THOC1: variants seen among roughly 807,000 people sequenced by gnomAD.
THOC1 encodes THO complex subunit 1, also known as THO complex 1.
In THOC1, 29 loss-of-function variants were observed where a neutral mutation model predicts 97.3. The ratio of observed to expected loss-of-function variants is 0.30; its 90% CI spans 0.22 to 0.41. THOC1 has a LOEUF of 0.41. Ranked by LOEUF, THOC1 falls within the 10% of genes least tolerant of loss-of-function variation. The pLI is 1.00. For synonymous variants in THOC1, 255 were observed against 257.0 expected (o/e 0.99, Z 0.07); for missense variants, 529 against 761.9 (o/e 0.69, Z 3.60).
Position 254,241 on chromosome 18 carries a change from T to A in THOC1, c.603+32A>T. On this transcript the variant is annotated intron_variant, in intron 8 of 20. Transcript: ENST00000261600. This position sits in a 1 kb window ranked among gnomAD's most constrained non-coding sequence, Gnocchi z 4.1. Reference sequence around the variant, plus strand: ...TATCTTAATAACAAACTTGCAAATATGTTATCTGAGAAGATTTCAAATCAG... The same window carrying A: ...TATCTTAATAACAAACTTGCAAATAAGTTATCTGAGAAGATTTCAAATCAG... 6.8e-7 allele frequency: 1 copy of A among 1,466,548 alleles called. No homozygotes were observed. Among genetic ancestry groups the A allele is most frequent in the Non-Finnish European group, 9.4e-7 (1 of 1,066,440 alleles). 90.8% of individuals were successfully genotyped at this position (1,466,548 alleles called of 1,614,324 possible). A position where few individuals can be genotyped will look rare whatever the true frequency, so the allele number is the denominator to read the frequency against.
chr18:259,938 C>A, intron 5 of THOC1: 1 of 524,440 alleles, frequency 1.9e-6, no homozygotes, highest in South Asian at 3.3e-5. Context: ...CTGTTTTAAA[C>A]ATGTGAAAGT....
rs753031558 is a variant in THOC1, at chr18:246,368, C to T, written c.874G>A (p.Gly292Arg). The T allele has an allele frequency of 1.9e-6, 3 of 1,602,640 alleles. No homozygotes were observed. The highest frequency in any genetic ancestry group is 2.6e-6 in the Non-Finnish European group (3 of 1,171,202). Residue 292 changes from glycine to arginine, a missense_variant, in exon 11 of 21, where the codon GGA (glycine) becomes AGA (arginine). By Grantham distance (125) the Gly-to-Arg change is moderately radical. Around this residue, in one of 8 missense-constraint regions of THOC1, gnomAD observed 92 missense variants for 127.0 expected, o/e 0.72. Coordinates refer to ENST00000261600, the MANE Select transcript of THOC1 (RefSeq NM_005131.3). ...SRKKMEELKT[G>R]GEHVYFAKFL... is the part of the protein sequence containing the mutation. ...TTTGCAAAATATACATGTTCTCCTC[C>T]TGTTTTCAATTCTTCCATCTTTTTT...
At chr18:237,157 ATTTT>A (rs763933161) in intron 11 of THOC1, among the ~76,000 whole-genome samples, 8 of 126,296 alleles carry the variant, frequency 6.3e-5, no homozygotes, top group Admixed American at 2.5e-4. Flanking sequence ...CATGTACTGG[ATTTT>A]TTTTTTTTTT....
At chr18:219,673 A>G (rs1911011120) in intron 17 of THOC1, among the ~76,000 whole-genome samples, 1 of 152,082 alleles carries the variant, frequency 6.6e-6, no homozygotes, top group African/African-American at 2.4e-5. Flanking sequence ...TTTACTACAT[A>G]TAATATTATA....
At chr18:265,252 A>C in intron 3 of THOC1, 51 bp downstream of exon 3, 1 of 1,435,476 alleles carries the variant, frequency 7.0e-7, no homozygotes, top group Non-Finnish European at 9.4e-7. Context: ...TTTAAATAAC[A>C]TGGTTTATTA....
At position 253,902 on chromosome 18, in the gene THOC1, A is replaced by T. The variant is rs868616253; in HGVS notation, c.603+371T>A. Among the ~76,000 whole-genome samples the T allele has an allele frequency of 6.3e-3, 848 of 134,018 alleles. 6 individuals are homozygous for T. The highest frequency in any genetic ancestry group is 0.02 in the African/African-American group (734 of 36,110). 87.9% of individuals were successfully genotyped at this position (134,018 alleles called of 152,430 possible). On this transcript the variant is annotated intron_variant, in intron 8 of 20. Coordinates refer to ENST00000261600, the MANE Select transcript of THOC1 (RefSeq NM_005131.3). ...TGACTTGTAGGCCCATTTACATGAA[A>T]TTTTTTTTTTTTTTTTTTTTTTAAA... is the stretch of plus-strand genomic sequence containing the variant.
chr18:261,807 C>CT (rs1912615225), intron 4 of THOC1, among the ~76,000 whole-genome samples: 1 of 152,062 alleles, frequency 6.6e-6, no homozygotes, highest in African/African-American at 2.4e-5. Flanking sequence ...ATTCTACTGC[C>CT]AAAATTCTGA....
intron 4 of THOC1, among the ~76,000 whole-genome samples, chr18:262,571 T>C (rs1052365140): frequency 7.2e-5 from 11 of 152,256 alleles, no homozygotes; most frequent in East Asian, 1.9e-4. Context: ...GCAAGAATAA[T>C]GTATAAAGGT....
At chr18:216,315 G>T in intron 19 of THOC1, 171 bp downstream of exon 19, 1 of 717,666 alleles carries the variant, frequency 1.4e-6, no homozygotes, top group Non-Finnish European at 2.3e-6. Context: ...ATCAACTCAT[G>T]TATTTCCTGT....
In THOC1 at chr18:252,570, C is replaced by T. The variant is rs1165816026; in HGVS notation, c.646G>A (p.Glu216Lys). The T allele has an allele frequency of 1.2e-6, 2 of 1,609,572 alleles. No homozygotes were observed. Among genetic ancestry groups the T allele is most frequent in the South Asian group, 1.1e-5 (1 of 90,012 alleles). ...GTTGGAGCTTCCTCGTCTCCCATTTCGCCTTCTTCTACATCCATTCCTTCT... is the reference window on the plus strand; with the variant it reads ...GTTGGAGCTTCCTCGTCTCCCATTTTGCCTTCTTCTACATCCATTCCTTCT... ...REEGMDVEEGEMGDEEAPTTC... is the reference protein window; with the variant it reads ...REEGMDVEEGKMGDEEAPTTC... The change falls in exon 9 of 21, where the codon GAA becomes AAA. Residue 216 changes from glutamate to lysine, a missense_variant. Coordinates refer to ENST00000261600, the MANE Select transcript of THOC1 (RefSeq NM_005131.3).
At chr18:220,130 C>T (rs749138361) in intron 17 of THOC1, among the ~76,000 whole-genome samples, 40 of 152,160 alleles carry the variant, frequency 2.6e-4, no homozygotes, top group Admixed American at 1.2e-3. Flanking sequence ...TTATCCATGT[C>T]CTACACAGAG....
At chr18:222,005 TTG>T (rs1911110839) in intron 17 of THOC1, among the ~76,000 whole-genome samples, 1 of 152,290 alleles carries the variant, frequency 6.6e-6, no homozygotes, top group Admixed American at 6.5e-5. Context: ...GTACTTTCTG[TTG>T]TGTTTTCTGT....
At position 242,561 on chromosome 18, in the gene THOC1, G is replaced by A. The variant is rs1489137489; in HGVS notation, c.918+3763C>T. Among the ~76,000 whole-genome samples the A allele has an allele frequency of 6.6e-6, 1 of 152,168 alleles. No homozygotes were observed. Among genetic ancestry groups the A allele is most frequent in the African/African-American group, 2.4e-5 (1 of 41,428 alleles). On this transcript the variant is annotated intron_variant, in intron 11 of 20. Transcript: ENST00000261600. The surrounding 1 kb of genome is among the most constrained non-coding windows in gnomAD (Gnocchi z 4.5). ...AATGCTTCTGGATAATATTCCCATT[G>A]GATGGGGTCACGGCTCTATTACAGA... is the stretch of plus-strand genomic sequence containing the variant.
intron 19 of THOC1, 22 bp from the exon 20 acceptor site, chr18:215,526 G>A: frequency 6.3e-7 from 1 of 1,590,242 alleles, no homozygotes; most frequent in Non-Finnish European, 8.6e-7. Context: ...AAAGAAGAAT[G>A]TTTGAAAGAA....
At chr18:227,324 AT>A (rs958577394) in intron 11 of THOC1, among the ~76,000 whole-genome samples, 34 of 151,870 alleles carry the variant, frequency 2.2e-4, no homozygotes, top group Admixed American at 7.2e-4. Context: ...TAAAAAAAAA[AT>A]TTTTTTTTAA....
At chr18:226,651 C>T (rs947222316) in intron 12 of THOC1, 150 bp downstream of exon 12, 1 of 543,310 alleles carries the variant, frequency 1.8e-6, no homozygotes, top group Non-Finnish European at 3.2e-6. Context: ...ATCCTAATAT[C>T]GAAAAGCCTT....
intron 11 of THOC1, among the ~76,000 whole-genome samples, chr18:233,870 T>C (rs1172503695): frequency 4.6e-5 from 7 of 152,220 alleles, no homozygotes; most frequent in Admixed American, 4.6e-4. Flanking sequence ...AAAAACCCAT[T>C]TGGTCTTTAT....
intron 18 of THOC1, 44 bp downstream of exon 18, chr18:218,842 C>T (rs1250542599): frequency 6.7e-7 from 1 of 1,501,774 alleles, no homozygotes. Flanking sequence ...AAGGAAGAAA[C>T]AAATTGAAGA....
intron 11 of THOC1, among the ~76,000 whole-genome samples, chr18:238,858 T>C (rs1911801277): frequency 6.6e-6 from 1 of 152,220 alleles, no homozygotes; most frequent in Non-Finnish European, 1.5e-5. Context: ...AACTCTTTAA[T>C]GTTTTACATT....
Sources: allele counts gnomAD v4.1 joint callset (sites outside exome capture counted in the v4.1 genomes callset), GRCh38; gene constraint gnomAD v4.1.1; regional missense constraint gnomAD v4.1.1; non-coding constraint Gnocchi (gnomAD v3.1); transcripts MANE v1.5; gene names NCBI Gene and HGNC (gene_info 2026-07-23, HGNC 2026-07-21).